Variants in ZNF680 observed in about 807,000 individuals in gnomAD.
ZNF680 encodes hypothetical protein FLJ90430.
ZNF680 carries 6 observed loss-of-function variants against 12.1 expected under a neutral mutation model. The ratio of observed to expected loss-of-function variants is 0.49; its 90% confidence interval spans 0.27 to 0.98. The LOEUF is 0.98. ZNF680 is among the 50% of genes least tolerant of loss of function. ZNF680 has a pLI of 0.12. For synonymous variants in ZNF680, 170 were observed against 199.3 expected (o/e 0.85, Z 1.24); for missense variants, 561 against 616.3 (o/e 0.91, Z 0.95).
intron 2 of ZNF680, chr7:64,544,026 A>G (rs1466275413): frequency 5.0e-6 from 3 of 602,398 alleles, no homozygotes; most frequent in Non-Finnish European, 8.1e-6. Flanking sequence ...GGGCAATTAA[A>G]TTTTAAGGTG....
chr7:64,523,760 A>G (rs1487172694), intron 3 of ZNF680, among the ~76,000 whole-genome samples: 1 of 151,880 alleles, frequency 6.6e-6, no homozygotes, highest in African/African-American at 2.4e-5. Flanking sequence ...AAAAATACAA[A>G]AAATTAGCTG....
chr7:64,521,819 TGGTTA>T lies in ZNF680; in HGVS notation c.930_934del (p.Asn311Ter). 3 of 1,613,502 alleles carry T rather than the reference TGGTTA, an allele frequency of 1.9e-6. No individual in the cohort carries two copies. The highest frequency in any genetic ancestry group is 1.7e-6 in the Non-Finnish European group (2 of 1,179,734). On this transcript the variant is annotated frameshift_variant, in exon 4 of 4. Transcript: ENST00000309683. LOFTEE classifies it low-confidence loss of function (END_TRUNC). ...TTTCTCTCCAGTATGAATTCTCTTA[TGGTTA>T]GTAAGGGTTGCAAACCAGTTAAAGG... is the stretch of plus-strand genomic sequence containing the variant.
chr7:64,510,632 C>T, the ZNF680 span, among the ~76,000 whole-genome samples: 11 of 151,586 alleles, frequency 7.3e-5, no homozygotes, highest in African/African-American at 1.9e-4. Flanking sequence ...AAATATCGGC[C>T]GGGCGCGGTG....
chr7:64,504,425 TAAG>T, the ZNF680 span, among the ~76,000 whole-genome samples: 21 of 152,350 alleles, frequency 1.4e-4, no homozygotes, highest in East Asian at 9.6e-4. Flanking sequence ...ATTTTTTAGC[TAAG>T]AAGATTTTAT....
At chr7:64,561,934 C>CAAGAAAAAAAAAAAAAAAAAAA (rs1787763225) in intron 1 of ZNF680, among the ~76,000 whole-genome samples, 1 of 80,320 alleles carries the variant, frequency 1.2e-5, no homozygotes, top group Non-Finnish European at 2.7e-5. Context: ...GACTCCGTCT[C>CAAGAAAAAAAAAAAAAAAAAAA]AAAAAAAAAA....
chr7:64,539,819 A>T (rs1477841359), intron 3 of ZNF680, among the ~76,000 whole-genome samples: 1 of 151,990 alleles, frequency 6.6e-6, no homozygotes, highest in South Asian at 2.1e-4. Context: ...GTCTTTAAAA[A>T]TAGTTTTTTT....
Position 64,562,921 on chromosome 7 carries a change from T to C in ZNF680, c.30+4A>G, listed in dbSNP as rs775252834. 4 of 1,613,470 alleles carry C rather than the reference T, an allele frequency of 2.5e-6. No individual in the cohort carries two copies. The South Asian group carries it at 3.3e-5, about 13-fold the overall frequency. On this transcript the variant is annotated splice_donor_region_variant and intron_variant, in intron 1 of 3. Coordinates refer to ENST00000309683, the MANE Select transcript of ZNF680 (RefSeq NM_178558.5). The stretch of plus-strand genomic sequence containing the variant: ...TCTCTCGGGGTGTCGGACCGCACTC[T>C]CACCATTTCTAGGCTTCCAGGTGGT...
At chr7:64,501,238 C>T in the ZNF680 span, 1 of 883,346 alleles carries the variant, frequency 1.1e-6, no homozygotes, top group Non-Finnish European at 1.9e-6. Flanking sequence ...GTACAGTTGC[C>T]CAGCACATTT....
intron 3 of ZNF680, among the ~76,000 whole-genome samples, chr7:64,527,006 G>T (rs1339246471): frequency 6.6e-6 from 1 of 152,206 alleles, no homozygotes; most frequent in East Asian, 1.9e-4. Context: ...GGGAGGCCGA[G>T]GTGGGCCGAT....
At chr7:64,546,483 A>G (rs769097917) in intron 1 of ZNF680, among the ~76,000 whole-genome samples, 1 of 152,174 alleles carries the variant, frequency 6.6e-6, no homozygotes, top group Non-Finnish European at 1.5e-5. Flanking sequence ...GGCTCAGGCC[A>G]ATAATCCTAG....
intron 3 of ZNF680, among the ~76,000 whole-genome samples, chr7:64,541,830 C>A (rs1315737254): frequency 6.6e-6 from 1 of 151,478 alleles, no homozygotes; most frequent in African/African-American, 2.4e-5. Context: ...GCAGGCAGGC[C>A]TGCAGACCTT....
At chr7:64,507,892 G>A in the ZNF680 span, among the ~76,000 whole-genome samples, 1 of 144,090 alleles carries the variant, frequency 6.9e-6, no homozygotes, top group South Asian at 2.2e-4. Context: ...TTTTTATTTC[G>A]ACTGGTTTGC....
At position 64,520,158 on chromosome 7, in the gene ZNF680, T is replaced by C. The variant is rs1291391308; in HGVS notation, c.*1003A>G. 6.6e-6 allele frequency: 1 copy of C among 151,658 alleles called. No homozygotes were observed. Among genetic ancestry groups the C allele is most frequent in the Non-Finnish European group, 1.5e-5 (1 of 67,654 alleles). The allele number at this position is 151,658 out of a possible 1,614,324, so 9.4% of individuals were successfully genotyped here. ...ACCTTACATTTTAATGCCCATACTC[T>C]TCCACAGAAAAAACCATAAATAATG... is the stretch of plus-strand genomic sequence containing the variant. On this transcript the variant is annotated 3_prime_UTR_variant, in exon 4 of 4. Transcript: ENST00000309683.
At chr7:64,511,534 C>A in the ZNF680 span, among the ~76,000 whole-genome samples, 1 of 152,128 alleles carries the variant, frequency 6.6e-6, no homozygotes. Context: ...CTCTGGCCAT[C>A]ACCGCCTCAA....
intron 3 of ZNF680, among the ~76,000 whole-genome samples, chr7:64,531,528 T>C (rs1200075236): frequency 2.2e-5 from 3 of 137,146 alleles, no homozygotes; most frequent in African/African-American, 8.4e-5. Flanking sequence ...ACTCAGGAGG[T>C]GGAGCTTGCA....
intron 1 of ZNF680, among the ~76,000 whole-genome samples, chr7:64,552,224 T>C (rs1787118256): frequency 6.6e-6 from 1 of 152,168 alleles, no homozygotes; most frequent in Admixed American, 6.5e-5. Flanking sequence ...CAGCTAATTT[T>C]TGTATTTTTA....
At chr7:64,558,643 A>G (rs567571099) in intron 1 of ZNF680, among the ~76,000 whole-genome samples, 1 of 152,304 alleles carries the variant, frequency 6.6e-6, no homozygotes, top group East Asian at 1.9e-4. Context: ...ACTGAAGATG[A>G]AGTTGTTACT....
At chr7:64,543,583 C>G (rs1478709825) in intron 3 of ZNF680, 124 bp downstream of exon 3, 2 of 774,122 alleles carry the variant, frequency 2.6e-6, no homozygotes, top group Non-Finnish European at 4.2e-6. Flanking sequence ...AGAAACTGAG[C>G]TTCCCAAAAA....
chr7:64,534,981 T>C, intron 3 of ZNF680, among the ~76,000 whole-genome samples: 1 of 117,424 alleles, frequency 8.5e-6, no homozygotes, highest in East Asian at 3.0e-4. Flanking sequence ...ATAAGAACGA[T>C]ACAATAAACT....
Sources: allele counts gnomAD v4.1 joint callset (sites outside exome capture counted in the v4.1 genomes callset), GRCh38; gene constraint gnomAD v4.1.1; transcripts MANE v1.5; gene names NCBI Gene and HGNC (gene_info 2026-07-23, HGNC 2026-07-21).